MYO3B: variants seen among roughly 807,000 people sequenced by gnomAD.
MYO3B encodes myosin-IIIb.
A neutral mutation model predicts 174.6 loss-of-function variants in MYO3B; 156 were observed. The observed-to-expected ratio is 0.89, with a 90% CI of 0.78 to 1.02. The LOEUF (loss-of-function observed/expected upper bound fraction) is 1.02, where lower values mean the gene tolerates loss of function less well. MYO3B is among the 50% of genes least tolerant of loss of function. MYO3B has a pLI of 0.00. For synonymous variants in MYO3B, 563 were observed against 569.1 expected (o/e 0.99, Z 0.15); for missense variants, 1,632 against 1,639.4 (o/e 1.00, Z 0.08).
At chr2:170,542,435 T>G (rs1690176512) in intron 30 of MYO3B, among the ~76,000 whole-genome samples, 1 of 152,228 alleles carries the variant, frequency 6.6e-6, no homozygotes, top group Non-Finnish European at 1.5e-5. Flanking sequence ...ATATTGTAAT[T>G]TTAAAAGATT....
chr2:170,373,361 C>T (rs1356253792), intron 9 of MYO3B, among the ~76,000 whole-genome samples: 1 of 152,186 alleles, frequency 6.6e-6, no homozygotes, highest in Non-Finnish European at 1.5e-5. Flanking sequence ...GCTTTCTGCC[C>T]AAAAGAGAGT....
chr2:170,648,559 G>A (rs1698553880), intron 32 of MYO3B, among the ~76,000 whole-genome samples: 1 of 149,646 alleles, frequency 6.7e-6, no homozygotes, highest in African/African-American at 2.5e-5. Context: ...TGAGGCGGAG[G>A]CTACAGTGAG....
chr2:170,653,970 T>C lies in MYO3B; in HGVS notation c.*849T>C, dbSNP rs1168410842. 6.6e-6 allele frequency: 1 copy of C among 152,212 alleles called. No individual in the cohort carries two copies. The highest frequency in any genetic ancestry group is 2.4e-5 in the African/African-American group (1 of 41,456). The allele number at this position is 152,212 out of a possible 1,614,324, so 9.4% of individuals were successfully genotyped here. ...TGGAAGGACCTGATCTTGTCCATCT[T>C]TGTGTGCACAGAGCCTAGCACAGGG... is the stretch of plus-strand genomic sequence containing the variant. On this transcript the variant is annotated 3_prime_UTR_variant, in exon 35 of 35. Transcript: ENST00000408978.
At chr2:170,213,609 A>T (rs938879614) in intron 3 of MYO3B, among the ~76,000 whole-genome samples, 7 of 152,216 alleles carry the variant, frequency 4.6e-5, no homozygotes, top group African/African-American at 1.7e-4. Context: ...GTATAAAACA[A>T]TATAAAACAA....
intron 25 of MYO3B, among the ~76,000 whole-genome samples, chr2:170,485,386 AAC>A (rs370436580): frequency 0.024 from 3,284 of 136,200 alleles, 49 homozygotes; most frequent in African/African-American, 0.038. Flanking sequence ...ATCCTTTCAG[AAC>A]ACACACACAC....
Position 170,542,928 on chromosome 2 carries a change from C to G in MYO3B, c.3598C>G (p.Pro1200Ala). The G allele has an allele frequency of 1.2e-6, 2 of 1,609,184 alleles. No individual in the cohort carries two copies. The highest frequency in any genetic ancestry group is 2.7e-5 in the African/African-American group (2 of 74,970). Reference protein sequence around the residue: ...KNGHSQAQSSPKGCDIFAGHA... With the variant: ...KNGHSQAQSSAKGCDIFAGHA... ...CAGGCATTCACAAGCCCAGAGTTCT[C>G]CAAAAGGGTGCGATATCTTCGCAGG... Residue 1200 changes from proline (P) to alanine (A), a missense_variant, in exon 31 of 35, where the codon CCA becomes GCA. Transcript: ENST00000408978.
chr2:170,348,228 G>GTTGTTGT (rs1553469914), intron 8 of MYO3B: 9 of 150,292 alleles, frequency 6.0e-5, no homozygotes, highest in Middle Eastern at 3.4e-3. Context: ...TAATATTGTG[G>GTTGTTGT]TGTTGTTGTT....
intron 1 of MYO3B, among the ~76,000 whole-genome samples, chr2:170,179,864 T>C (rs2092375901): frequency 6.6e-6 from 1 of 152,208 alleles, no homozygotes; most frequent in African/African-American, 2.4e-5. Flanking sequence ...CCTTATTCTG[T>C]GTATCTCTGG....
chr2:170,535,358 A>T (rs903631384), intron 30 of MYO3B, among the ~76,000 whole-genome samples: 7 of 152,186 alleles, frequency 4.6e-5, no homozygotes, highest in African/African-American at 1.7e-4. Context: ...GTGTGGTACG[A>T]GTGTGTATAA....
chr2:170,257,146 C>T (rs571951477), intron 7 of MYO3B, among the ~76,000 whole-genome samples: 2 of 152,112 alleles, frequency 1.3e-5, no homozygotes, highest in East Asian at 1.9e-4. Context: ...ACAATAATAG[C>T]GGGGGACTTC....
chr2:170,441,756 T>C (rs2094802530), intron 22 of MYO3B, among the ~76,000 whole-genome samples: 1 of 152,242 alleles, frequency 6.6e-6, no homozygotes, highest in Admixed American at 6.5e-5. Flanking sequence ...TCTTTTAGCA[T>C]GCTAATGCAT....
chr2:170,490,353 T>C (rs1686388846), intron 25 of MYO3B, among the ~76,000 whole-genome samples: 1 of 152,218 alleles, frequency 6.6e-6, no homozygotes, highest in Non-Finnish European at 1.5e-5. Flanking sequence ...AATTGTTTGT[T>C]GCTAATATAT....
chr2:170,400,652 C>G (rs1053228328), intron 17 of MYO3B, among the ~76,000 whole-genome samples: 1 of 140,462 alleles, frequency 7.1e-6, no homozygotes, highest in African/African-American at 2.7e-5. Flanking sequence ...ATCCACCCCC[C>G]CCCCCTCGGC....
At position 170,200,182 on chromosome 2, in the gene MYO3B, C is replaced by T. The variant is rs759601746; in HGVS notation, c.219C>T (p.Asn73=). Residue 73 remains asparagine (N), a synonymous_variant, in exon 3 of 35, where the codon AAC becomes AAT. Transcript: ENST00000408978. Reference sequence around the variant, plus strand: ...ATGAAGAAATTGAGGCAGAATACAACATTTTGCAGTTCCTTCCTAATCATC... The same window carrying T: ...ATGAAGAAATTGAGGCAGAATACAATATTTTGCAGTTCCTTCCTAATCATC... ...DMDEEIEAEY[N]ILQFLPNHPN... 17 of 1,613,088 alleles carry T rather than the reference C, an allele frequency of 1.1e-5. No individual in the cohort carries two copies. Among genetic ancestry groups the T allele is most frequent in the South Asian group, 2.2e-5 (2 of 90,938 alleles).
At chr2:170,625,269 T>C (rs998777366) in intron 32 of MYO3B, among the ~76,000 whole-genome samples, 2 of 152,330 alleles carry the variant, frequency 1.3e-5, no homozygotes, top group Non-Finnish European at 2.9e-5. Context: ...ATTCAGAGAT[T>C]CAGCTTCTTC....
At chr2:170,340,768 T>A (rs1378488192) in intron 8 of MYO3B, 1 of 152,166 alleles carries the variant, frequency 6.6e-6, no homozygotes, top group East Asian at 1.9e-4. Context: ...ACCTGTCACA[T>A]GAGGATCTTC....
At chr2:170,631,369 G>A in intron 32 of MYO3B, among the ~76,000 whole-genome samples, 1 of 151,618 alleles carries the variant, frequency 6.6e-6, no homozygotes, top group South Asian at 2.1e-4. Flanking sequence ...AAAAAGAAAT[G>A]AACAAAGCCT....
chr2:170,570,948 C>T (rs745846216), intron 32 of MYO3B, among the ~76,000 whole-genome samples: 1 of 152,188 alleles, frequency 6.6e-6, no homozygotes, highest in Non-Finnish European at 1.5e-5. Context: ...ACGAATGAGG[C>T]TATCCCATCA....
chr2:170,518,987 A>G (rs10189774), intron 29 of MYO3B, among the ~76,000 whole-genome samples: 120,319 of 152,176 alleles, frequency 0.79, 48,374 homozygotes, highest in African/African-American at 0.93. Context: ...TTACTCCTGG[A>G]ATTATTCCCT....
Sources: gnomAD v4.1 joint callset for allele counts (sites outside exome capture counted in the v4.1 genomes callset) on GRCh38, gnomAD v4.1.1 for gene constraint, MANE v1.5 for transcripts, NCBI Gene and HGNC (gene_info 2026-07-23, HGNC 2026-07-21) for gene names.